EML1: variants seen among roughly 807,000 people sequenced by gnomAD.
EML1 encodes EMAP like 1.
A neutral mutation model predicts 110.4 loss-of-function variants in EML1; 27 were observed. That is an observed-to-expected ratio of 0.24 (90% CI 0.18 to 0.34). The LOEUF is 0.34. EML1 is among the 10% of genes least tolerant of loss of function. The pLI is 1.00. For missense variants in EML1, 741 were observed against 1,030.9 expected (o/e 0.72, Z 3.85); for synonymous variants, 344 against 385.8 (o/e 0.89, Z 1.27).
Position 99,907,688 on chromosome 14 carries a change from C to G in EML1, c.1059C>G (p.Leu353=). ...TGGATGACTCCAACGACCATGTGCT[C>G]TCTGTATGGGACTGGCAGAAAGAAG... ...CAVDDSNDHV[L]SVWDWQKEEK... is the part of the protein sequence containing the mutation. Residue 353 remains leucine (L), a synonymous_variant, in exon 10 of 22, where the codon CTC becomes CTG. Transcript: ENST00000262233. 1 of 1,614,188 alleles carries G rather than the reference C, an allele frequency of 6.2e-7. No homozygotes were observed.
Position 99,905,004 on chromosome 14 carries a change from T to C in EML1, c.1009-2634T>C, listed in dbSNP as rs2059820440. Among the ~76,000 whole-genome samples, 1 of 152,152 alleles carries C rather than the reference T, an allele frequency of 6.6e-6. No individual in the cohort carries two copies. Among genetic ancestry groups the C allele is most frequent in the Admixed American group, 6.5e-5 (1 of 15,284 alleles). ...CCATTAATCAAAACTTTACAGGAGA[T>C]AAATAGTGATTTTTACCATTCATTC... On this transcript the variant is annotated intron_variant, in intron 9 of 21. Transcript: ENST00000262233. The surrounding 1 kb of genome is among the most constrained non-coding windows in gnomAD (Gnocchi z 4.1).
chr14:99,843,085 C>T (rs570751696), intron 1 of EML1, among the ~76,000 whole-genome samples: 80 of 152,226 alleles, frequency 5.3e-4, no homozygotes, highest in Middle Eastern at 6.8e-3. Flanking sequence ...GAGACCCCAT[C>T]TCTATAAAAA....
chr14:99,799,445 T>G (rs978009763), intron 1 of EML1, among the ~76,000 whole-genome samples: 2 of 152,234 alleles, frequency 1.3e-5, no homozygotes, highest in East Asian at 3.8e-4. Context: ...AACTCAACGC[T>G]CCGAAGTATT....
chr14:99,823,946 TG>T lies in EML1; in HGVS notation c.68-26906del, dbSNP rs1161049957. 7.2e-5 allele frequency among the ~76,000 whole-genome samples: 11 copies of T among 152,206 alleles called. No homozygotes were observed. The East Asian group carries it at 2.1e-3, about 29-fold the overall frequency. Reference sequence around the variant, plus strand: ...CTACTAGGCCCCAAGGACTTTCCCATGCATCATCTCTCTCTCTTTTTTTTAA... The same window carrying T: ...CTACTAGGCCCCAAGGACTTTCCCATCATCATCTCTCTCTCTTTTTTTTAA... On this transcript the variant is annotated intron_variant, in intron 1 of 21. Transcript: ENST00000262233.
At chr14:99,806,936 G>A (rs937623783) in intron 1 of EML1, among the ~76,000 whole-genome samples, 1 of 152,148 alleles carries the variant, frequency 6.6e-6, no homozygotes, top group Non-Finnish European at 1.5e-5. Context: ...AATTAGCTAA[G>A]AATCTAAGAA....
Position 99,910,335 on chromosome 14 carries a change from G to C in EML1, c.1333G>C (p.Gly445Arg), listed in dbSNP as rs760292201. Residue 445 changes from glycine (G) to arginine (R), a missense_variant, in exon 12 of 22, where the codon GGA (glycine) becomes CGA (arginine). Transcript: ENST00000262233. ...GDSSGNILVW[G>R]KGTNRISYAV... Reference sequence around the variant, plus strand: ...TTCAAGTGGCAACATCTTAGTATGGGGAAAAGGTAATAAGTGATTGTTCCC... The same window carrying C: ...TTCAAGTGGCAACATCTTAGTATGGCGAAAAGGTAATAAGTGATTGTTCCC... 2.5e-6 allele frequency: 4 copies of C among 1,610,866 alleles called. No homozygotes were observed. In the East Asian group the frequency reaches 8.9e-5, roughly 36 times the overall value.
At chr14:99,796,636 C>A (rs1487230578) in intron 1 of EML1, among the ~76,000 whole-genome samples, 3 of 150,222 alleles carry the variant, frequency 2.0e-5, no homozygotes, top group African/African-American at 7.4e-5. Context: ...ACTACAGGTG[C>A]GTGCTATCAT....
upstream of EML1, among the ~76,000 whole-genome samples, chr14:99,791,597 T>C (rs181416718): frequency 6.6e-6 from 1 of 152,336 alleles, no homozygotes; most frequent in African/African-American, 2.4e-5. Flanking sequence ...GACCTTCCTG[T>C]CTTTCCAGCT....
chr14:99,859,449 G>A (rs938937998), intron 2 of EML1, among the ~76,000 whole-genome samples: 1 of 152,164 alleles, frequency 6.6e-6, no homozygotes, highest in Non-Finnish European at 1.5e-5. Flanking sequence ...TACAGAACAC[G>A]CTTCTCACAT....
At chr14:99,874,635 T>G (rs890308592) in intron 3 of EML1, among the ~76,000 whole-genome samples, 2 of 151,010 alleles carry the variant, frequency 1.3e-5, no homozygotes, top group Non-Finnish European at 2.9e-5. Flanking sequence ...TAAATCCTCT[T>G]TAATTCATAA....
At chr14:99,895,512 A>G (rs537263404) in intron 6 of EML1, among the ~76,000 whole-genome samples, 1 of 152,292 alleles carries the variant, frequency 6.6e-6, no homozygotes, top group Non-Finnish European at 1.5e-5. Flanking sequence ...AGGAAATGGG[A>G]GTATCCAAAA....
intron 1 of EML1, among the ~76,000 whole-genome samples, chr14:99,753,366 G>A (rs1457721893): frequency 6.6e-6 from 1 of 151,804 alleles, no homozygotes; most frequent in Non-Finnish European, 1.5e-5. Context: ...GGCCCTCCCT[G>A]GGGGGTCAAG....
intron 1 of EML1, among the ~76,000 whole-genome samples, chr14:99,798,213 C>T (rs2139676758): frequency 6.6e-6 from 1 of 152,286 alleles, no homozygotes; most frequent in Admixed American, 6.5e-5. Context: ...CTCACATCTT[C>T]TAGCTCTTAA....
Position 99,793,452 on chromosome 14 carries a change from G to A in EML1, c.-25G>A. The A allele has an allele frequency of 9.6e-7, 1 of 1,043,220 alleles. No homozygotes were observed. Among genetic ancestry groups the A allele is most frequent in the Non-Finnish European group, 1.2e-6 (1 of 866,544 alleles). 64.6% of individuals were successfully genotyped at this position (1,043,220 alleles called of 1,614,324 possible). A position where few individuals can be genotyped will look rare whatever the true frequency, so the allele number is the denominator to read the frequency against. ...GGCGGCGGCGCGGCCGGGCCGGGGAGCGGGCGCGGCCCGGCGGCCTCAGCA... is the reference window on the plus strand; with the variant it reads ...GGCGGCGGCGCGGCCGGGCCGGGGAACGGGCGCGGCCCGGCGGCCTCAGCA... On this transcript the variant is annotated 5_prime_UTR_variant, in exon 1 of 22. Transcript: ENST00000262233.
intron 5 of EML1, chr14:99,892,044 C>T: frequency 3.2e-6 from 2 of 624,332 alleles, no homozygotes; most frequent in Non-Finnish European, 4.0e-6. Flanking sequence ...GACTGGGGGG[C>T]AGGTCAGGTG....
intron 5 of EML1, among the ~76,000 whole-genome samples, chr14:99,893,400 T>G (rs1425027359): frequency 2.0e-5 from 3 of 151,900 alleles, no homozygotes. Flanking sequence ...AAGGGGAGGA[T>G]CCATGGGACG....
chr14:99,738,660 A>G (rs1243415988), intron 1 of EML1, among the ~76,000 whole-genome samples: 4 of 152,210 alleles, frequency 2.6e-5, no homozygotes, highest in Admixed American at 2.6e-4. Flanking sequence ...CCCCAGGTAA[A>G]AATGGAGACT....
chr14:99,866,720 C>T (rs899240276), intron 3 of EML1, among the ~76,000 whole-genome samples: 9 of 152,058 alleles, frequency 5.9e-5, no homozygotes, highest in Non-Finnish European at 1.3e-4. Context: ...ACTCTCCCCA[C>T]TGCCCTTGGC....
chr14:99,794,624 T>C (rs1437572872), intron 1 of EML1, among the ~76,000 whole-genome samples: 2 of 152,258 alleles, frequency 1.3e-5, no homozygotes, highest in African/African-American at 4.8e-5. Flanking sequence ...GTGAAATTTA[T>C]CATCTTGTTC....
Sources: gnomAD v4.1 joint callset for allele counts (sites outside exome capture counted in the v4.1 genomes callset) on GRCh38, gnomAD v4.1.1 for gene constraint, Gnocchi (gnomAD v3.1) non-coding constraint, MANE v1.5 for transcripts, NCBI Gene and HGNC (gene_info 2026-07-23, HGNC 2026-07-21) for gene names.